Variants in ST8SIA1 observed in about 807,000 individuals in gnomAD.
ST8SIA1 encodes ST8 alpha-N-acetyl-neuraminide alpha-2,8-sialyltransferase 1.
ST8SIA1 carries 16 observed loss-of-function variants against 35.9 expected under a neutral mutation model. The ratio of observed to expected loss-of-function variants is 0.45; its 90% CI spans 0.30 to 0.68. The LOEUF (loss-of-function observed/expected upper bound fraction) is 0.68, where lower values mean the gene tolerates loss of function less well. Among genes scored for constraint, ST8SIA1 ranks in the 30% least tolerant of loss-of-function variants. The pLI is 0.09. For missense variants in ST8SIA1, 383 were observed against 453.6 expected (o/e 0.84, Z 1.41); for synonymous variants, 170 against 169.6 (o/e 1.00, Z -0.02).
chr12:22,295,099 T>C (rs1421367470), intron 1 of ST8SIA1, among the ~76,000 whole-genome samples: 1 of 152,154 alleles, frequency 6.6e-6, no homozygotes, highest in Non-Finnish European at 1.5e-5. Flanking sequence ...GGGGACACCT[T>C]GCCTTCTAAT....
At chr12:22,319,559 T>G (rs1866557934) in intron 1 of ST8SIA1, among the ~76,000 whole-genome samples, 1 of 152,226 alleles carries the variant, frequency 6.6e-6, no homozygotes, top group Non-Finnish European at 1.5e-5. Context: ...AGGCTGGAGA[T>G]GCAGCTTCTG....
intron 3 of ST8SIA1, among the ~76,000 whole-genome samples, chr12:22,252,857 T>C (rs549303439): frequency 1.3e-5 from 2 of 152,310 alleles, no homozygotes; most frequent in East Asian, 1.9e-4. Flanking sequence ...TACACACTCA[T>C]GAATACAAAA....
In ST8SIA1 at chr12:22,324,227, C is replaced by G. The variant is rs139540789; in HGVS notation, c.236+9770G>C. On this transcript the variant is annotated intron_variant, in intron 1 of 4. Coordinates refer to ENST00000396037, the MANE Select transcript of ST8SIA1 (RefSeq NM_003034.4). ...AAAGTTTAGTGGCATGGAAGAAATG[C>G]TTGTAGTAGCATTCGTTTTAAGTTA... Among the ~76,000 whole-genome samples the G allele has an allele frequency of 5.5e-4, 83 of 152,120 alleles. 1 individual carries two copies. In the East Asian group the frequency reaches 0.015, roughly 28 times the overall value.
intron 1 of ST8SIA1, among the ~76,000 whole-genome samples, chr12:22,330,608 C>A (rs1256624522): frequency 6.6e-6 from 1 of 152,108 alleles, no homozygotes; most frequent in East Asian, 1.9e-4. Flanking sequence ...ATTATAGCAA[C>A]TCCCTTGAAG....
chr12:22,265,711 A>G (rs11611999), intron 2 of ST8SIA1, among the ~76,000 whole-genome samples: 19,290 of 152,044 alleles, frequency 0.13, 1,586 homozygotes, highest in Middle Eastern at 0.27. Context: ...CTTAATATCT[A>G]CGTAACACCT....
At chr12:22,219,790 A>G (rs1235912757) in intron 4 of ST8SIA1, among the ~76,000 whole-genome samples, 1 of 152,162 alleles carries the variant, frequency 6.6e-6, no homozygotes, top group African/African-American at 2.4e-5. Context: ...AGGCTGCTAT[A>G]AGACATCATG....
Position 22,199,709 on chromosome 12 carries a change from T to C in ST8SIA1, c.*1843A>G, listed in dbSNP as rs1043807278. On this transcript the variant is annotated 3_prime_UTR_variant, in exon 5 of 5. Coordinates refer to ENST00000396037, the MANE Select transcript of ST8SIA1 (RefSeq NM_003034.4). ...TTAGAAATGGTCTACTTCAATGATG[T>C]AGAATTTTGCCAAGGGCTTTCCTAT... The C allele has an allele frequency of 3.9e-5, 6 of 152,226 alleles. No individual in the cohort carries two copies. The highest frequency in any genetic ancestry group is 3.3e-4 in the Admixed American group (5 of 15,278). 9.4% of individuals were successfully genotyped at this position (152,226 alleles called of 1,614,324 possible).
intron 2 of ST8SIA1, among the ~76,000 whole-genome samples, chr12:22,281,545 T>C (rs1866034027): frequency 6.6e-6 from 1 of 152,142 alleles, no homozygotes; most frequent in Non-Finnish European, 1.5e-5. Context: ...ATAATGTAAA[T>C]GCTCTTATTT....
intron 2 of ST8SIA1, among the ~76,000 whole-genome samples, chr12:22,280,816 T>C (rs1866024353): frequency 6.6e-6 from 1 of 152,246 alleles, no homozygotes; most frequent in Non-Finnish European, 1.5e-5. Flanking sequence ...ATTTTCCTGC[T>C]CTTCTCAGTT....
intron 4 of ST8SIA1, among the ~76,000 whole-genome samples, chr12:22,224,556 C>T (rs73265997): frequency 3.9e-5 from 6 of 152,180 alleles, no homozygotes; most frequent in East Asian, 1.9e-4. Context: ...TGAGCCACTG[C>T]GCCTGGCCTA....
At chr12:22,285,599 C>T (rs746893971) in intron 2 of ST8SIA1, among the ~76,000 whole-genome samples, 14 of 152,020 alleles carry the variant, frequency 9.2e-5, no homozygotes, top group African/African-American at 1.7e-4. Flanking sequence ...CAGTCGGGCG[C>T]GGTGGCTCAC....
chr12:22,266,371 A>C (rs747366671), intron 2 of ST8SIA1, among the ~76,000 whole-genome samples: 1 of 151,948 alleles, frequency 6.6e-6, no homozygotes, highest in African/African-American at 2.4e-5. Flanking sequence ...AATTGAAACA[A>C]ATCATTTATT....
intron 4 of ST8SIA1, among the ~76,000 whole-genome samples, chr12:22,236,445 T>C (rs1013566551): frequency 6.6e-6 from 1 of 152,238 alleles, no homozygotes; most frequent in Non-Finnish European, 1.5e-5. Context: ...TTTCTTTCAC[T>C]GAAATTGCAA....
chr12:22,267,319 T>C (rs576216056), intron 2 of ST8SIA1, among the ~76,000 whole-genome samples: 173 of 145,976 alleles, frequency 1.2e-3, no homozygotes, highest in Middle Eastern at 3.4e-3. Context: ...GCCTGCTAAT[T>C]AACTATTATT....
chr12:22,282,525 T>G (rs910151912), intron 2 of ST8SIA1, among the ~76,000 whole-genome samples: 1 of 152,212 alleles, frequency 6.6e-6, no homozygotes. Context: ...TCCTTCTTTT[T>G]GCTGGGATCC....
chr12:22,286,407 C>A (rs549929017), intron 2 of ST8SIA1: 6 of 516,286 alleles, frequency 1.2e-5, no homozygotes, highest in African/African-American at 1.2e-4. Flanking sequence ...TCTTTCTGTA[C>A]AATCATCTGA....
At chr12:22,314,966 A>T (rs2135835709) in intron 1 of ST8SIA1, among the ~76,000 whole-genome samples, 1 of 152,174 alleles carries the variant, frequency 6.6e-6, no homozygotes, top group Non-Finnish European at 1.5e-5. Flanking sequence ...CTCTCAACCA[A>T]AAACCATTTC....
intron 2 of ST8SIA1, among the ~76,000 whole-genome samples, chr12:22,280,550 T>G (rs1166426789): frequency 7.9e-6 from 1 of 126,324 alleles, no homozygotes; most frequent in Non-Finnish European, 1.8e-5. Flanking sequence ...CATTGTCAAG[T>G]AATTTAGAAA....
chr12:22,246,098 T>C (rs181375006), intron 4 of ST8SIA1, among the ~76,000 whole-genome samples: 13 of 151,248 alleles, frequency 8.6e-5, no homozygotes, highest in East Asian at 2.0e-4. Context: ...ATAAAGAGAG[T>C]TGGGGGAACC....
Sources: allele counts gnomAD v4.1 joint callset (sites outside exome capture counted in the v4.1 genomes callset), GRCh38; gene constraint gnomAD v4.1.1; transcripts MANE v1.5; gene names NCBI Gene and HGNC (gene_info 2026-07-23, HGNC 2026-07-21).